HECW1: variants seen among roughly 807,000 people sequenced by gnomAD.
HECW1 encodes the protein HECT, C2 and WW domain containing E3 ubiquitin protein ligase 1.
A neutral mutation model predicts 182.3 loss-of-function variants in HECW1; 61 were observed. That is an observed-to-expected ratio of 0.33 (90% CI 0.27 to 0.41). The LOEUF (loss-of-function observed/expected upper bound fraction) is 0.41. HECW1 is among the 10% of genes least tolerant of loss of function. HECW1 has a pLI of 1.00. For synonymous variants in HECW1, 859 were observed against 832.6 expected, an observed-to-expected ratio of 1.03 and a Z score of -0.55; for missense variants, 1,739 against 2,108.9, an observed-to-expected ratio of 0.82 and a Z score of 3.44.
At chr7:43,244,620 G>A (rs760044548) in intron 3 of HECW1, among the ~76,000 whole-genome samples, 8 of 152,130 alleles carry the variant, frequency 5.3e-5, no homozygotes, top group Admixed American at 1.3e-4. Context: ...TTTGATGTAC[G>A]AGGGAACTGG....
chr7:43,198,693 A>G (rs532980293), intron 2 of HECW1, among the ~76,000 whole-genome samples: 4 of 143,930 alleles, frequency 2.8e-5, no homozygotes, highest in African/African-American at 7.9e-5. Context: ...CACACACACC[A>G]TACATACACC....
chr7:43,369,601 T>TA (rs1484639633), intron 6 of HECW1, among the ~76,000 whole-genome samples: 2 of 152,224 alleles, frequency 1.3e-5, no homozygotes, highest in Non-Finnish European at 2.9e-5. Flanking sequence ...CCTAGGCATT[T>TA]ACTACCTGAC....
chr7:43,125,370 T>C (rs1202209110), intron 2 of HECW1, among the ~76,000 whole-genome samples: 1 of 152,192 alleles, frequency 6.6e-6, no homozygotes, highest in Admixed American at 6.5e-5. Context: ...TGGCACCTCC[T>C]GACTTGCTCT....
chr7:43,327,971 T>TATGATTATTATTATTATTATC (rs1554360105), intron 5 of HECW1, among the ~76,000 whole-genome samples: 6 of 148,770 alleles, frequency 4.0e-5, no homozygotes, highest in African/African-American at 1.5e-4. Flanking sequence ...ATATTATTAT[T>TATGATTATTATTATTATTATC]ATTATTATTA....
intron 3 of HECW1, among the ~76,000 whole-genome samples, chr7:43,302,857 A>G (rs866539954): frequency 2.0e-5 from 3 of 152,150 alleles, no homozygotes; most frequent in South Asian, 2.1e-4. Flanking sequence ...GAAGGGAAAA[A>G]TGGGTCTCTT....
At chr7:43,414,868 T>A (rs1465635317) in intron 8 of HECW1, among the ~76,000 whole-genome samples, 1 of 152,126 alleles carries the variant, frequency 6.6e-6, no homozygotes, top group Non-Finnish European at 1.5e-5. Context: ...CAGTATTTTA[T>A]TGAGGATTTT....
At chr7:43,404,660 A>C (rs1340134452) in intron 7 of HECW1, among the ~76,000 whole-genome samples, 1 of 152,228 alleles carries the variant, frequency 6.6e-6, no homozygotes, top group African/African-American at 2.4e-5. Context: ...TTTTTATAAA[A>C]AGACAATATA....
chr7:43,206,413 T>C lies in HECW1; in HGVS notation c.-31-37462T>C, dbSNP rs114173093. Reference sequence around the variant, plus strand: ...TCTACCGTGCTTTTTTCTGGTCTTTTATTTTTTGTCTCTTCTGCTCTCTAT... The same window carrying C: ...TCTACCGTGCTTTTTTCTGGTCTTTCATTTTTTGTCTCTTCTGCTCTCTAT... On this transcript the variant is annotated intron_variant, in intron 2 of 29. Transcript: ENST00000395891. Among the ~76,000 whole-genome samples, 589 of 152,338 alleles carry C rather than the reference T, an allele frequency of 3.9e-3. 1 individual carries two copies. Among genetic ancestry groups the C allele is most frequent in the African/African-American group, 0.014 (565 of 41,584 alleles).
chr7:43,302,193 C>CAGCCTGAGGCTCCTCAGGCTTCTCAACA (rs371287345), intron 3 of HECW1, among the ~76,000 whole-genome samples: 4 of 152,180 alleles, frequency 2.6e-5, no homozygotes, highest in Admixed American at 2.0e-4. Context: ...TGGCTTACAA[C>CAGCCTGAGGCTCCTCAGGCTTCTCAACA]AGCCTGAGGC....
intron 2 of HECW1, among the ~76,000 whole-genome samples, chr7:43,234,454 T>C (rs1250487464): frequency 6.6e-6 from 1 of 151,912 alleles, no homozygotes; most frequent in African/African-American, 2.4e-5. Context: ...TGTCCTCCCC[T>C]TTGTTCCCCA....
At chr7:43,185,181 G>A (rs921373681) in intron 2 of HECW1, among the ~76,000 whole-genome samples, 1 of 152,098 alleles carries the variant, frequency 6.6e-6, no homozygotes, top group African/African-American at 2.4e-5. Context: ...CTTCCTGATG[G>A]CTGAACACAT....
chr7:43,524,484 G>T (rs1312455379), intron 24 of HECW1, among the ~76,000 whole-genome samples: 1 of 152,150 alleles, frequency 6.6e-6, no homozygotes, highest in East Asian at 1.9e-4. Context: ...AAAGTTAGAA[G>T]GATAAGGAAA....
At chr7:43,387,813 T>G (rs896443325) in intron 6 of HECW1, among the ~76,000 whole-genome samples, 5 of 152,230 alleles carry the variant, frequency 3.3e-5, no homozygotes, top group African/African-American at 1.2e-4. Flanking sequence ...GCCCCTTGAT[T>G]GACTAGCTTA....
At chr7:43,205,364 G>C (rs920560877) in intron 2 of HECW1, among the ~76,000 whole-genome samples, 1 of 152,092 alleles carries the variant, frequency 6.6e-6, no homozygotes, top group Non-Finnish European at 1.5e-5. Context: ...AAATTCTTTC[G>C]GCAGCATTGA....
At chr7:43,334,626 G>T (rs1811902510) in intron 5 of HECW1, among the ~76,000 whole-genome samples, 1 of 152,182 alleles carries the variant, frequency 6.6e-6, no homozygotes, top group South Asian at 2.1e-4. Context: ...TGTGTTACCT[G>T]AGGAAAGTAA....
intron 2 of HECW1, among the ~76,000 whole-genome samples, chr7:43,134,851 A>G (rs1787351617): frequency 6.6e-6 from 1 of 152,184 alleles, no homozygotes; most frequent in African/African-American, 2.4e-5. Context: ...AGGGCAGCCT[A>G]AATTTAAATT....
chr7:43,465,735 GA>G (rs902587995), intron 14 of HECW1, among the ~76,000 whole-genome samples: 3 of 151,838 alleles, frequency 2.0e-5, no homozygotes, highest in Non-Finnish European at 4.4e-5. Context: ...AAGGAAATAA[GA>G]AAAAAATAGC....
intron 2 of HECW1, among the ~76,000 whole-genome samples, chr7:43,242,098 C>T (rs180709253): frequency 1.2e-4 from 18 of 152,236 alleles, no homozygotes; most frequent in Admixed American, 2.6e-4. Flanking sequence ...AGGACCAGAT[C>T]CACTTTGCAT....
At chr7:43,503,795 A>C (rs1484708862) in intron 21 of HECW1, among the ~76,000 whole-genome samples, 1 of 152,258 alleles carries the variant, frequency 6.6e-6, no homozygotes, top group Non-Finnish European at 1.5e-5. Context: ...AATGCACAGC[A>C]GTCATCATGG....
Sources: gnomAD v4.1 joint callset for allele counts (sites outside exome capture counted in the v4.1 genomes callset) on GRCh38, gnomAD v4.1.1 for gene constraint, MANE v1.5 for transcripts, NCBI Gene and HGNC (gene_info 2026-07-23, HGNC 2026-07-21) for gene names.